The following FBXL7 variants were observed in gnomAD, a reference collection of about 807,000 sequenced individuals.
FBXL7 encodes the protein F-box/LRR-repeat protein 7.
FBXL7 carries 12 observed loss-of-function variants against 38.3 expected under a neutral mutation model. The observed-to-expected ratio is 0.31, with a 90% CI of 0.20 to 0.51. FBXL7 has a LOEUF of 0.51. FBXL7 is among the 20% of genes least tolerant of loss of function. The pLI is 0.98. For synonymous variants in FBXL7, 297 were observed against 300.9 expected, an observed-to-expected ratio of 0.99 and a Z score of 0.13; for missense variants, 567 against 676.4, an observed-to-expected ratio of 0.84 and a Z score of 1.79.
intron 2 of FBXL7, among the ~76,000 whole-genome samples, chr5:15,845,070 G>T (rs1738856178): frequency 1.3e-5 from 2 of 152,184 alleles, no homozygotes. Flanking sequence ...AAGCCATCCT[G>T]CAGCCTGGGA....
intron 2 of FBXL7, among the ~76,000 whole-genome samples, chr5:15,766,795 G>A (rs2126705585): frequency 6.6e-6 from 1 of 152,254 alleles, no homozygotes; most frequent in African/African-American, 2.4e-5. Context: ...ATAATAGGGA[G>A]AATAATTGAA....
At chr5:15,552,016 T>G (rs560751832) in intron 1 of FBXL7, among the ~76,000 whole-genome samples, 1 of 152,230 alleles carries the variant, frequency 6.6e-6, no homozygotes, top group Non-Finnish European at 1.5e-5. Context: ...GAAGAATGAT[T>G]ACTACTTACA....
chr5:15,709,825 C>A (rs556181227), intron 2 of FBXL7, among the ~76,000 whole-genome samples: 2 of 152,252 alleles, frequency 1.3e-5, no homozygotes, highest in African/African-American at 4.8e-5. Flanking sequence ...CCTATTCTTA[C>A]AGCATCTTCT....
chr5:15,597,308 A>G (rs1739651795), intron 1 of FBXL7, among the ~76,000 whole-genome samples: 4 of 152,064 alleles, frequency 2.6e-5, no homozygotes, highest in Admixed American at 2.6e-4. Flanking sequence ...AAATACAGCA[A>G]TTTGGTTTTG....
At chr5:15,668,888 T>C (rs566388591) in intron 2 of FBXL7, among the ~76,000 whole-genome samples, 13 of 152,342 alleles carry the variant, frequency 8.5e-5, no homozygotes, top group African/African-American at 2.6e-4. Context: ...CATGTCTGCA[T>C]TTTAGTTTTT....
At chr5:15,760,999 A>G (rs992446180) in intron 2 of FBXL7, among the ~76,000 whole-genome samples, 1 of 152,148 alleles carries the variant, frequency 6.6e-6, no homozygotes, top group Non-Finnish European at 1.5e-5. Flanking sequence ...AATTACACGA[A>G]TATTGCATGA....
chr5:15,802,441 T>A (rs1193274589), intron 2 of FBXL7, among the ~76,000 whole-genome samples: 1 of 150,688 alleles, frequency 6.6e-6, no homozygotes, highest in Non-Finnish European at 1.5e-5. Flanking sequence ...GTTTGTTCAC[T>A]GCTAAACAGT....
chr5:15,537,888 G>C (rs1196224203), intron 1 of FBXL7, among the ~76,000 whole-genome samples: 1 of 152,202 alleles, frequency 6.6e-6, no homozygotes, highest in Admixed American at 6.5e-5. Context: ...GGATCTTTGG[G>C]TCATGGAAAG....
rs181807623 is a variant in FBXL7, at chr5:15,645,266, A to G, written c.127+29194A>G. Reference sequence around the variant, plus strand: ...ATCGCTAAGCTAAAGGGAAAGGTCAAGCTGGGAACTGCTTAGGGCCAACCT... The same window carrying G: ...ATCGCTAAGCTAAAGGGAAAGGTCAGGCTGGGAACTGCTTAGGGCCAACCT... On this transcript the variant is annotated intron_variant, in intron 2 of 3. Transcript: ENST00000504595. 8.5e-5 allele frequency among the ~76,000 whole-genome samples: 13 copies of G among 152,310 alleles called. No homozygotes were observed. The East Asian group carries it at 2.5e-3, about 30-fold the overall frequency.
chr5:15,791,073 G>T (rs903094948), intron 2 of FBXL7, among the ~76,000 whole-genome samples: 12 of 32,952 alleles, frequency 3.6e-4, no homozygotes, highest in South Asian at 3.0e-3. Flanking sequence ...TGTGTAAAAG[G>T]GGGGGGGGGG....
chr5:15,701,888 G>T (rs903615203), intron 2 of FBXL7, among the ~76,000 whole-genome samples: 3 of 152,154 alleles, frequency 2.0e-5, no homozygotes, highest in Non-Finnish European at 4.4e-5. Flanking sequence ...TAAAGTACAT[G>T]ATTCTTGCCT....
rs1015396896 is a variant in FBXL7, at chr5:15,611,042, T to C, written c.38-4941T>C. On this transcript the variant is annotated intron_variant, in intron 1 of 3. Transcript: ENST00000504595. ...TGTAAGCGGGCTGCAAGCTGCAAAA[T>C]CACATGTAATACAAGATGACACAGT... 3.9e-5 allele frequency among the ~76,000 whole-genome samples: 6 copies of C among 152,160 alleles called. No individual in the cohort carries two copies. The South Asian group carries it at 1.2e-3, about 31-fold the overall frequency.
intron 2 of FBXL7, among the ~76,000 whole-genome samples, chr5:15,882,989 G>T (rs981562731): frequency 6.6e-6 from 1 of 151,768 alleles, no homozygotes; most frequent in Admixed American, 6.6e-5. Flanking sequence ...CAATAAAATG[G>T]GACCCAGCTT....
intron 2 of FBXL7, among the ~76,000 whole-genome samples, chr5:15,720,237 C>T (rs77538219): frequency 3.4e-5 from 5 of 148,926 alleles, no homozygotes; most frequent in Non-Finnish European, 7.5e-5. Context: ...ATTATGGATG[C>T]CCCTGGGACA....
intron 2 of FBXL7, among the ~76,000 whole-genome samples, chr5:15,764,598 G>A (rs190608564): frequency 3.2e-4 from 49 of 152,346 alleles, no homozygotes; most frequent in African/African-American, 1.2e-3. Flanking sequence ...AGGAGCATCA[G>A]CCATGAGGCC....
At chr5:15,600,377 T>A (rs186637601) in intron 1 of FBXL7, among the ~76,000 whole-genome samples, 14 of 152,224 alleles carry the variant, frequency 9.2e-5, no homozygotes, top group Middle Eastern at 3.4e-3. Flanking sequence ...GGGAGGGGTA[T>A]AACAAGGCAT....
At chr5:15,540,446 T>G (rs1737709737) in intron 1 of FBXL7, among the ~76,000 whole-genome samples, 1 of 152,210 alleles carries the variant, frequency 6.6e-6, no homozygotes, top group Non-Finnish European at 1.5e-5. Flanking sequence ...CCTGCCTCTC[T>G]AACTTCTTGT....
intron 2 of FBXL7, among the ~76,000 whole-genome samples, chr5:15,819,763 G>A (rs918445496): frequency 1.3e-5 from 2 of 152,144 alleles, no homozygotes; most frequent in African/African-American, 2.4e-5. Context: ...ACACACCTGT[G>A]GCCACCAGCC....
At chr5:15,741,504 C>A (rs1019214357) in intron 2 of FBXL7, among the ~76,000 whole-genome samples, 1 of 152,138 alleles carries the variant, frequency 6.6e-6, no homozygotes, top group African/African-American at 2.4e-5. Flanking sequence ...GGAGGCCATT[C>A]TTTGACCTTC....
Sources: allele counts gnomAD v4.1 joint callset (sites outside exome capture counted in the v4.1 genomes callset), GRCh38; gene constraint gnomAD v4.1.1; transcripts MANE v1.5; gene names NCBI Gene and HGNC (gene_info 2026-07-23, HGNC 2026-07-21).